SHISA9: variants seen among roughly 807,000 people sequenced by gnomAD.
The protein encoded by SHISA9 is shisa family member 9, also known as protein shisa-9.
In SHISA9, 13 loss-of-function variants were observed where a neutral mutation model predicts 38.0. The observed-to-expected ratio is 0.34, with a 90% CI of 0.22 to 0.54. The LOEUF (loss-of-function observed/expected upper bound fraction) is 0.54, where lower values mean the gene tolerates loss of function less well. Ranked by LOEUF, SHISA9 falls within the 20% of genes least tolerant of loss-of-function variation. The pLI is 0.91. For missense variants in SHISA9, 538 were observed against 575.8 expected (o/e 0.93, Z 0.67); for synonymous variants, 275 against 242.0 (o/e 1.14, Z -1.27).
the SHISA9 span, among the ~76,000 whole-genome samples, chr16:13,441,257 C>A: frequency 2.4e-3 from 371 of 152,296 alleles, 1 homozygote; most frequent in African/African-American, 8.5e-3. Context: ...AATGCTTAAA[C>A]CTGCCAGGCT....
chr16:13,069,374 G>A (rs2073481327), intron 2 of SHISA9, among the ~76,000 whole-genome samples: 1 of 152,146 alleles, frequency 6.6e-6, no homozygotes, highest in African/African-American at 2.4e-5. Flanking sequence ...GTGTACGTGT[G>A]TGTACATGCA....
chr16:12,979,119 C>G (rs926054775), intron 2 of SHISA9, among the ~76,000 whole-genome samples: 2 of 152,202 alleles, frequency 1.3e-5, no homozygotes, highest in African/African-American at 4.8e-5. Context: ...ACCACCCTCT[C>G]CTTGATTGTT....
chr16:13,503,200 G>A, the SHISA9 span, among the ~76,000 whole-genome samples: 1 of 152,280 alleles, frequency 6.6e-6, no homozygotes, highest in African/African-American at 2.4e-5. Context: ...AATCTCTAAG[G>A]AGCCTAGTTT....
At chr16:13,379,514 C>G in the SHISA9 span, among the ~76,000 whole-genome samples, 3 of 152,200 alleles carry the variant, frequency 2.0e-5, no homozygotes, top group African/African-American at 7.2e-5. Context: ...CTTCTAGGCA[C>G]TGGAGGAGGA....
chr16:13,025,681 C>T (rs1235138489), intron 2 of SHISA9, among the ~76,000 whole-genome samples: 1 of 152,238 alleles, frequency 6.6e-6, no homozygotes, highest in East Asian at 1.9e-4. Context: ...TTGGCAATCT[C>T]ATAGACGTAG....
rs1223542629 is a variant in SHISA9 at position 13,172,741 on chromosome 16, A to G, written c.692-30653A>G. Among the ~76,000 whole-genome samples, 7 of 128,874 alleles carry G rather than the reference A, an allele frequency of 5.4e-5. No homozygotes were observed. The East Asian group carries it at 1.7e-3, about 31-fold the overall frequency. The allele number at this position is 128,874 out of a possible 152,430, so 84.5% of individuals were successfully genotyped here. A position where few individuals can be genotyped will look rare whatever the true frequency, so the allele number is the denominator to read the frequency against. On this transcript the variant is annotated intron_variant, in intron 2 of 4. Transcript: ENST00000558583. ...TAATTACAATTCACTTATCTTGATG[A>G]TTTTTTTTTTTTTTTTTTTGGTAAA... is the stretch of plus-strand genomic sequence containing the variant.
At chr16:13,083,585 C>T (rs571080357) in intron 2 of SHISA9, among the ~76,000 whole-genome samples, 150 of 152,242 alleles carry the variant, frequency 9.9e-4, no homozygotes, top group African/African-American at 3.2e-3. Context: ...TGATTCCATG[C>T]GAAGCCCTAA....
At chr16:13,093,271 T>A (rs760113255) in intron 2 of SHISA9, among the ~76,000 whole-genome samples, 17 of 152,330 alleles carry the variant, frequency 1.1e-4, no homozygotes, top group Admixed American at 2.0e-4. Flanking sequence ...AGATCCTGCC[T>A]GTCACTATAA....
the SHISA9 span, among the ~76,000 whole-genome samples, chr16:13,289,848 C>G: frequency 6.6e-6 from 1 of 152,168 alleles, no homozygotes; most frequent in Non-Finnish European, 1.5e-5. Context: ...CCCAAATTCT[C>G]TTTTGCCTAA....
chr16:13,416,757 A>AGGAAGGAAGGAAGGAAG, the SHISA9 span, among the ~76,000 whole-genome samples: 1 of 120,660 alleles, frequency 8.3e-6, no homozygotes, highest in Non-Finnish European at 1.7e-5. Flanking sequence ...GAAGGAAGGA[A>AGGAAGGAAGGAAGGAAG]GGAAGGAAGG....
chr16:13,325,546 C>T, the SHISA9 span, among the ~76,000 whole-genome samples: 2 of 152,126 alleles, frequency 1.3e-5, no homozygotes, highest in African/African-American at 4.8e-5. Flanking sequence ...TTTATACATA[C>T]TATAGAAACT....
the SHISA9 span, among the ~76,000 whole-genome samples, chr16:13,330,779 T>G: frequency 2.0e-5 from 3 of 152,160 alleles, no homozygotes; most frequent in African/African-American, 4.8e-5. Flanking sequence ...GAAGGGCCTT[T>G]GAAAACCTTG....
chr16:13,294,245 A>G, the SHISA9 span, among the ~76,000 whole-genome samples: 1 of 152,224 alleles, frequency 6.6e-6, no homozygotes, highest in Non-Finnish European at 1.5e-5. Context: ...CTATTATTAT[A>G]TATCACATGA....
At chr16:13,086,670 C>A (rs879351387) in intron 2 of SHISA9, among the ~76,000 whole-genome samples, 8 of 151,960 alleles carry the variant, frequency 5.3e-5, no homozygotes, top group Non-Finnish European at 1.0e-4. Context: ...ATTTGTATTT[C>A]AAAATTGAGA....
intron 2 of SHISA9, among the ~76,000 whole-genome samples, chr16:12,988,304 T>C (rs2072339676): frequency 6.6e-6 from 1 of 152,202 alleles, no homozygotes; most frequent in East Asian, 1.9e-4. Flanking sequence ...CACCAGCCTG[T>C]CCAATTCAAA....
chr16:12,986,222 G>T (rs187796946), intron 2 of SHISA9, among the ~76,000 whole-genome samples: 28 of 152,270 alleles, frequency 1.8e-4, no homozygotes, highest in Admixed American at 3.3e-4. Flanking sequence ...TCCATAGTGG[G>T]TATTAAAATA....
the SHISA9 span, among the ~76,000 whole-genome samples, chr16:13,380,819 CT>C: frequency 6.6e-6 from 1 of 151,174 alleles, no homozygotes; most frequent in Admixed American, 6.6e-5. Context: ...TATCCCTCCC[CT>C]AGCCCCCCAC....
the SHISA9 span, among the ~76,000 whole-genome samples, chr16:13,305,548 C>G: frequency 6.6e-6 from 1 of 152,192 alleles, no homozygotes; most frequent in Non-Finnish European, 1.5e-5. Context: ...TGCTGGAATC[C>G]AGTTGCACTG....
chr16:13,207,634 T>C (rs1478914340), intron 3 of SHISA9, among the ~76,000 whole-genome samples: 1 of 152,104 alleles, frequency 6.6e-6, no homozygotes, highest in African/African-American at 2.4e-5. Flanking sequence ...TCTCAGGGCT[T>C]TCTCTGAGAC....
Sources: allele counts gnomAD v4.1 joint callset (sites outside exome capture counted in the v4.1 genomes callset), GRCh38; gene constraint gnomAD v4.1.1; transcripts MANE v1.5; gene names NCBI Gene and HGNC (gene_info 2026-07-23, HGNC 2026-07-21).